AGK: variants seen among roughly 807,000 people sequenced by gnomAD.
AGK encodes the protein acylglycerol kinase.
In AGK, 52 loss-of-function variants were observed where a neutral mutation model predicts 66.4. The ratio of observed to expected loss-of-function variants is 0.78; its 90% CI spans 0.63 to 0.99. The LOEUF (loss-of-function observed/expected upper bound fraction) is 0.99. Ranked by LOEUF, AGK falls within the 50% of genes least tolerant of loss-of-function variation. The pLI is 0.00. For synonymous variants in AGK, 182 were observed against 181.1 expected, an observed-to-expected ratio of 1.00 and a Z score of -0.04; for missense variants, 451 against 506.6, an observed-to-expected ratio of 0.89 and a Z score of 1.05.
At chr7:141,564,976 C>T (rs1236379693) in intron 2 of AGK, among the ~76,000 whole-genome samples, 1 of 152,170 alleles carries the variant, frequency 6.6e-6, no homozygotes, top group African/African-American at 2.4e-5. Flanking sequence ...ATCCGCCCTC[C>T]TCAGCCTCCC....
At chr7:141,634,036 C>T (rs1797117081) in intron 10 of AGK, 56 bp downstream of exon 10, 1 of 1,457,342 alleles carries the variant, frequency 6.9e-7, no homozygotes, top group Non-Finnish European at 9.6e-7. Flanking sequence ...TATTCTGTCC[C>T]TGCCTTTCAG....
intron 15 of AGK, 147 bp from the exon 16 acceptor site, chr7:141,652,640 T>C: frequency 1.4e-6 from 1 of 706,236 alleles, no homozygotes; most frequent in Non-Finnish European, 2.2e-6. Context: ...AGGCACTGAA[T>C]TTTTTTTTGT....
intron 2 of AGK, among the ~76,000 whole-genome samples, chr7:141,579,503 G>C (rs969783617): frequency 1.1e-4 from 17 of 151,922 alleles, no homozygotes; most frequent in African/African-American, 4.1e-4. Context: ...CCCATCTAGT[G>C]AAAGTGTCTA....
rs1796276451 is a variant in AGK, at chr7:141,598,634, C to T, written c.221+1993C>T. 6.6e-6 allele frequency among the ~76,000 whole-genome samples: 1 copy of T among 152,158 alleles called. No homozygotes were observed. Among genetic ancestry groups the T allele is most frequent in the South Asian group, 2.1e-4 (1 of 4,822 alleles). On this transcript the variant is annotated intron_variant, in intron 4 of 15. Coordinates refer to ENST00000649286, the MANE Select transcript of AGK (RefSeq NM_018238.4). This position sits in a 1 kb window ranked among gnomAD's most constrained non-coding sequence, Gnocchi z 4.2. ...CACTATTTCCATTTCATAATAAGCACACAATGTAAGAAATATAAACTGCTG... is the reference window on the plus strand; with the variant it reads ...CACTATTTCCATTTCATAATAAGCATACAATGTAAGAAATATAAACTGCTG...
chr7:141,630,294 G>A (rs1938037034), intron 9 of AGK, among the ~76,000 whole-genome samples: 1 of 151,944 alleles, frequency 6.6e-6, no homozygotes, highest in Admixed American at 6.6e-5. Flanking sequence ...TTTAAATGAT[G>A]GCCAAATAGT....
At chr7:141,641,214 G>T in intron 11 of AGK, 34 bp from the exon 12 acceptor site, 1 of 1,592,916 alleles carries the variant, frequency 6.3e-7, no homozygotes, top group East Asian at 2.2e-5. Flanking sequence ...AATTGTACAT[G>T]CATAACAAAA....
At chr7:141,642,164 C>A (rs1358035626) in intron 13 of AGK, among the ~76,000 whole-genome samples, 1 of 152,136 alleles carries the variant, frequency 6.6e-6, no homozygotes, top group Non-Finnish European at 1.5e-5. Context: ...ATTCAGAGAA[C>A]TTAGGGCAAG....
At chr7:141,556,456 G>A (rs572279835) in intron 2 of AGK, among the ~76,000 whole-genome samples, 4 of 151,634 alleles carry the variant, frequency 2.6e-5, no homozygotes, top group South Asian at 2.1e-4. Flanking sequence ...CAGGAGAATC[G>A]CTTGAGCCTG....
intron 10 of AGK, among the ~76,000 whole-genome samples, chr7:141,636,146 G>A (rs1797163888): frequency 6.6e-6 from 1 of 152,146 alleles, no homozygotes; most frequent in Admixed American, 6.6e-5. Flanking sequence ...TTTAACATTT[G>A]CCATTTTAGA....
At chr7:141,603,816 TA>T (rs1205291900) in intron 5 of AGK, among the ~76,000 whole-genome samples, 2 of 152,226 alleles carry the variant, frequency 1.3e-5, no homozygotes, top group Non-Finnish European at 2.9e-5. Context: ...CTTGACATGG[TA>T]GCTCGGTTCC....
chr7:141,635,280 A>G (rs1218433763), intron 10 of AGK, among the ~76,000 whole-genome samples: 2 of 152,198 alleles, frequency 1.3e-5, no homozygotes, highest in Admixed American at 1.3e-4. Flanking sequence ...GTATTAAGAA[A>G]GAAATGGTAG....
chr7:141,597,890 C>CAAAAAAAAAAAAAAAAAAA (rs56295907), intron 4 of AGK, among the ~76,000 whole-genome samples: 25 of 71,428 alleles, frequency 3.5e-4, no homozygotes, highest in African/African-American at 5.4e-4. Flanking sequence ...GACTCTGTCT[C>CAAAAAAAAAAAAAAAAAAA]AAAAAAAAAA....
chr7:141,594,456 G>C (rs1201252044), intron 3 of AGK, among the ~76,000 whole-genome samples: 1 of 152,100 alleles, frequency 6.6e-6, no homozygotes, highest in South Asian at 2.1e-4. Flanking sequence ...CTCCCAAAGT[G>C]CTGGGATTAC....
chr7:141,574,627 T>G (rs1477063634), intron 2 of AGK, among the ~76,000 whole-genome samples: 1 of 152,172 alleles, frequency 6.6e-6, no homozygotes, highest in African/African-American at 2.4e-5. Context: ...CCAAAATGAT[T>G]AGCTTAGTTA....
chr7:141,616,571 T>G (rs1282815547), intron 8 of AGK, among the ~76,000 whole-genome samples: 1 of 152,138 alleles, frequency 6.6e-6, no homozygotes, highest in Admixed American at 6.5e-5. Flanking sequence ...TATATTTTAA[T>G]AAGCATCTTA....
intron 9 of AGK, among the ~76,000 whole-genome samples, chr7:141,632,127 A>G (rs926430662): frequency 2.0e-4 from 30 of 151,492 alleles, no homozygotes; most frequent in Non-Finnish European, 2.9e-5. Flanking sequence ...GCTACTCAGG[A>G]GGTTGAGGCA....
Position 141,636,998 on chromosome 7 carries a change from A to G in AGK, c.707A>G (p.His236Arg), listed in dbSNP as rs769578203. The change falls in exon 11 of 16, where the codon CAC becomes CGC. Residue 236 changes from histidine (H) to arginine (R), a missense_variant. Transcript: ENST00000649286. ...GGGCCTCTAAAAATCAAAGCAGCCC[A>G]CTTTTTCAGCACTCTTAAGGTAAAT... The part of the protein sequence containing the change: ...YLGPLKIKAA[H>R]FFSTLKEWPQ... 1.1e-5 allele frequency: 17 copies of G among 1,612,720 alleles called. No homozygotes were observed. The highest frequency in any genetic ancestry group is 1.4e-5 in the Non-Finnish European group (17 of 1,179,282).
chr7:141,634,077 A>C, intron 10 of AGK, 97 bp downstream of exon 10: 1 of 1,074,330 alleles, frequency 9.3e-7, no homozygotes, highest in Non-Finnish European at 1.4e-6. Flanking sequence ...TCTGGGAATA[A>C]ATTTGGTGGG....
chr7:141,621,202 A>G (rs1429608424), intron 8 of AGK, among the ~76,000 whole-genome samples: 1 of 152,172 alleles, frequency 6.6e-6, no homozygotes, highest in Non-Finnish European at 1.5e-5. Context: ...CAGAATGTAG[A>G]TAAGAACGGT....
Sources: gnomAD v4.1 joint callset for allele counts (sites outside exome capture counted in the v4.1 genomes callset) on GRCh38, gnomAD v4.1.1 for gene constraint, Gnocchi (gnomAD v3.1) non-coding constraint, MANE v1.5 for transcripts, NCBI Gene and HGNC (gene_info 2026-07-23, HGNC 2026-07-21) for gene names.